The following TEX15 variants were observed in gnomAD, a reference collection of about 807,000 sequenced individuals.
TEX15 encodes the protein testis-expressed protein 15.
A neutral mutation model predicts 237.3 loss-of-function variants in TEX15; 171 were observed. The ratio of observed to expected loss-of-function variants is 0.72; its 90% CI spans 0.64 to 0.82. The LOEUF (loss-of-function observed/expected upper bound fraction) is 0.82. Ranked by LOEUF, TEX15 falls within the 40% of genes least tolerant of loss-of-function variation. The probability of loss-of-function intolerance (pLI) is 0.00; values close to 1 mark genes in which losing one functional copy is unlikely to be tolerated. For missense variants in TEX15, 3,750 were observed against 3,646.5 expected (o/e 1.03, Z -0.73); for synonymous variants, 1,338 against 1,269.8 (o/e 1.05, Z -1.14).
At chr8:30,853,074 G>A (rs989724925) in intron 7 of TEX15, among the ~76,000 whole-genome samples, 2 of 152,140 alleles carry the variant, frequency 1.3e-5, no homozygotes, top group Non-Finnish European at 2.9e-5. Flanking sequence ...CATAATATAG[G>A]TTTTCTCTAA....
In TEX15 at chr8:30,846,350, C is replaced by T; in HGVS notation, c.3817G>A (p.Asp1273Asn). ...TEPSNVTTIDDGSRCFFTKSK... is the reference protein window; with the variant it reads ...TEPSNVTTIDNGSRCFFTKSK... ...TTTGTAAAGAAACATCTGCTTCCATCATCTATTGTTGTGACATTAGAAGGT... is the reference window on the plus strand; with the variant it reads ...TTTGTAAAGAAACATCTGCTTCCATTATCTATTGTTGTGACATTAGAAGGT... The change falls in exon 8 of 11, where the codon GAT (aspartate) becomes AAT (asparagine). Residue 1273 changes from aspartate to asparagine, a missense_variant. Transcript: ENST00000643185. 6.2e-7 allele frequency: 1 copy of T among 1,613,036 alleles called. No individual in the cohort carries two copies. The highest frequency in any genetic ancestry group is 1.1e-5 in the South Asian group (1 of 90,976).
intron 1 of TEX15, among the ~76,000 whole-genome samples, chr8:30,912,448 G>A (rs1390043503): frequency 1.3e-5 from 2 of 152,212 alleles, no homozygotes; most frequent in South Asian, 4.2e-4. Context: ...TGCGCCTCCA[G>A]GGAGCCAGGG....
intron 2 of TEX15, among the ~76,000 whole-genome samples, chr8:30,897,040 A>C (rs1321875390): frequency 6.6e-6 from 1 of 152,230 alleles, no homozygotes; most frequent in Non-Finnish European, 1.5e-5. Flanking sequence ...GTGATTTAAC[A>C]AACCAACCTT....
In TEX15 at chr8:30,847,820, T is replaced by A. The variant is rs749350589; in HGVS notation, c.2347A>T (p.Ile783Phe). Residue 783 changes from isoleucine (I) to phenylalanine (F), a missense_variant, in exon 8 of 11, where the codon ATT becomes TTT. Ile to Phe is a conservative substitution (Grantham distance 21, BLOSUM62 0). Coordinates refer to ENST00000643185, the MANE Select transcript of TEX15 (RefSeq NM_001350162.2). The part of the protein sequence containing the change: ...QAKEMFIDTV[I>F]SSYNIETAHD... ...GCTGTTTCTATGTTATAAGATGAAA[T>A]AACTGTATCAATGAACATTTCTTTG... The A allele has an allele frequency of 7.4e-6, 12 of 1,613,810 alleles. No homozygotes were observed. The highest frequency in any genetic ancestry group is 4.5e-5 in the East Asian group (2 of 44,880).
intron 1 of TEX15, among the ~76,000 whole-genome samples, chr8:30,900,831 C>A (rs1053972910): frequency 1.3e-5 from 2 of 152,216 alleles, no homozygotes; most frequent in African/African-American, 4.8e-5. Flanking sequence ...ATTTGGTAAA[C>A]CTTTCTACAA....
intron 1 of TEX15, among the ~76,000 whole-genome samples, chr8:30,906,805 A>G (rs1174584843): frequency 1.3e-5 from 2 of 152,170 alleles, no homozygotes; most frequent in African/African-American, 4.8e-5. Flanking sequence ...TTTACGTATG[A>G]AAATTTTCCA....
At chr8:30,852,045 T>C (rs1168337242) in intron 7 of TEX15, among the ~76,000 whole-genome samples, 1 of 150,992 alleles carries the variant, frequency 6.6e-6, no homozygotes, top group Non-Finnish European at 1.5e-5. Context: ...ACTTATAAAA[T>C]ACTTAACATG....
intron 7 of TEX15, among the ~76,000 whole-genome samples, chr8:30,853,859 A>T (rs1807842040): frequency 6.6e-6 from 1 of 152,196 alleles, no homozygotes; most frequent in Non-Finnish European, 1.5e-5. Context: ...TAACAAAAAA[A>T]TTTTGGAAAT....
chr8:30,860,074 C>CAA lies in TEX15; in HGVS notation c.541-19_541-18dup. 1 of 1,373,428 alleles carries CAA rather than the reference C, an allele frequency of 7.3e-7. No individual in the cohort carries two copies. Among genetic ancestry groups the CAA allele is most frequent in the Non-Finnish European group, 9.5e-7 (1 of 1,050,098 alleles). The allele number at this position is 1,373,428 out of a possible 1,614,324, so 85.1% of individuals were successfully genotyped here. On this transcript the variant is annotated splice_polypyrimidine_tract_variant and intron_variant, in intron 5 of 10. Transcript: ENST00000643185. The stretch of plus-strand genomic sequence containing the variant: ...AAAGAGAACCTAAAAAAAAAAAAGC[C>CAA]AAAAAAAAAGTACGTAAAAATATAC...
intron 1 of TEX15, among the ~76,000 whole-genome samples, chr8:30,904,264 C>A (rs909253038): frequency 3.3e-5 from 5 of 151,970 alleles, no homozygotes; most frequent in South Asian, 2.1e-4. Flanking sequence ...CTGGCCAACA[C>A]GGGGAAACCC....
intron 3 of TEX15, among the ~76,000 whole-genome samples, chr8:30,881,608 GAC>G (rs1491506835): frequency 1.7e-5 from 2 of 117,974 alleles, no homozygotes; most frequent in African/African-American, 8.7e-5. Context: ...CTTCCATCTT[GAC>G]TTTTTATTTT....
chr8:30,858,526 G>T, intron 7 of TEX15, 142 bp downstream of exon 7: 1 of 613,666 alleles, frequency 1.6e-6, no homozygotes, highest in Non-Finnish European at 2.6e-6. Context: ...TGGCCAGGTT[G>T]GCCTCAAGTA....
At position 30,848,369 on chromosome 8, in the gene TEX15, A is replaced by T. The variant is rs759687197; in HGVS notation, c.1798T>A (p.Ser600Thr). The change falls in exon 8 of 11, where the codon TCT becomes ACT. Residue 600 changes from serine (S) to threonine (T), a missense_variant. Transcript: ENST00000643185. The stretch of plus-strand genomic sequence containing the variant: ...TTCTTTTTGAGTGGAAAAACTGTAG[A>T]CGTTTGGCAACCAGTCTGATAAATT... ...KTIYQTGCQT[S>T]TVFPLKKKVS... 4 of 1,614,172 alleles carry T rather than the reference A, an allele frequency of 2.5e-6. No individual in the cohort carries two copies. The East Asian group carries it at 6.7e-5, about 27-fold the overall frequency.
Position 30,837,207 on chromosome 8 carries a change from G to T in TEX15, c.9077C>A (p.Pro3026Gln), listed in dbSNP as rs1209387231. 6.2e-7 allele frequency: 1 copy of T among 1,614,088 alleles called. No homozygotes were observed. The highest frequency in any genetic ancestry group is 2.2e-5 in the East Asian group (1 of 44,876). Residue 3026 changes from proline (P) to glutamine (Q), a missense_variant, in exon 10 of 11, where the codon CCA becomes CAA. Pro to Gln is a moderately conservative substitution (Grantham distance 76). Coordinates refer to ENST00000643185, the MANE Select transcript of TEX15 (RefSeq NM_001350162.2). ...TAAATGCTCAGAAGAATTATATGTT[G>T]GGTTACATGCAGACTGTGGAAGTTC... is the stretch of plus-strand genomic sequence containing the variant. ...WNELPQSACN[P>Q]TYNSSEHLFG...
At position 30,837,200 on chromosome 8, in the gene TEX15, A is replaced by G. The variant is rs144468585; in HGVS notation, c.9084T>C (p.Tyr3028=). The change falls in exon 10 of 11, where the codon TAT becomes TAC. Residue 3028 remains tyrosine, a synonymous_variant. Coordinates refer to ENST00000643185, the MANE Select transcript of TEX15 (RefSeq NM_001350162.2). ...ELPQSACNPT[Y]NSSEHLFGTS... ...TTCCAAATAAATGCTCAGAAGAATT[A>G]TATGTTGGGTTACATGCAGACTGTG... 4.6e-5 allele frequency: 74 copies of G among 1,614,152 alleles called. No individual in the cohort carries two copies. In the East Asian group the frequency reaches 5.8e-4, roughly 13 times the overall value.
At position 30,866,822 on chromosome 8, in the gene TEX15, G is replaced by A. The variant is rs150848784; in HGVS notation, c.540+443C>T. Reference sequence around the variant, plus strand: ...AACGTTAACATCTTACATAACCATAGCAAAATCACCAAAATTAAGAATTTA... The same window carrying A: ...AACGTTAACATCTTACATAACCATAACAAAATCACCAAAATTAAGAATTTA... On this transcript the variant is annotated intron_variant, in intron 5 of 10. Transcript: ENST00000643185. Among the ~76,000 whole-genome samples the A allele has an allele frequency of 5.5e-3, 837 of 151,838 alleles. 8 individuals carry two copies. Among genetic ancestry groups the A allele is most frequent in the African/African-American group, 0.019 (803 of 41,418 alleles).
chr8:30,838,717 C>T (rs13274074), intron 9 of TEX15, among the ~76,000 whole-genome samples: 15,697 of 105,380 alleles, frequency 0.15, 1,637 homozygotes, highest in African/African-American at 0.31. Context: ...CACACACACA[C>T]ATATATACAC....
intron 5 of TEX15, among the ~76,000 whole-genome samples, chr8:30,863,508 C>T (rs1471089145): frequency 6.6e-6 from 1 of 152,092 alleles, no homozygotes; most frequent in Non-Finnish European, 1.5e-5. Flanking sequence ...AGTGCTGCTT[C>T]TATTAATAAC....
At position 30,846,103 on chromosome 8, in the gene TEX15, T is replaced by G. The variant is rs757653148; in HGVS notation, c.4064A>C (p.Lys1355Thr). Residue 1355 changes from lysine to threonine, a missense_variant, in exon 8 of 11, where the codon AAG (lysine) becomes ACG (threonine). Transcript: ENST00000643185. ...GRIKTFSQSE[K>T]HIKSVLNILS... ...GATATTTAGGACACTCTTAATGTGC[T>G]TTTCTGACTGTGAAAATGTTTTAAT... is the stretch of plus-strand genomic sequence containing the variant. 35 of 1,613,476 alleles carry G rather than the reference T, an allele frequency of 2.2e-5. No individual in the cohort carries two copies. In the East Asian group the frequency reaches 7.8e-4, roughly 36 times the overall value.
Sources: allele counts gnomAD v4.1 joint callset (sites outside exome capture counted in the v4.1 genomes callset), GRCh38; gene constraint gnomAD v4.1.1; transcripts MANE v1.5; gene names NCBI Gene and HGNC (gene_info 2026-07-23, HGNC 2026-07-21).